Variants in NELL1 observed in about 807,000 individuals in gnomAD.
The protein encoded by NELL1 is protein kinase C-binding protein NELL1.
NELL1 carries 76 observed loss-of-function variants against 107.4 expected under a neutral mutation model. The ratio of observed to expected loss-of-function variants is 0.71; its 90% CI spans 0.59 to 0.86. The LOEUF (loss-of-function observed/expected upper bound fraction) is 0.86, where lower values mean the gene tolerates loss of function less well. NELL1 is among the 40% of genes least tolerant of loss of function. The pLI is 0.00. For missense variants in NELL1, 1,024 were observed against 1,005.5 expected (o/e 1.02, Z -0.25); for synonymous variants, 353 against 341.2 (o/e 1.03, Z -0.38).
chr11:20,692,652 A>T (rs542878179), intron 2 of NELL1, among the ~76,000 whole-genome samples: 10 of 151,672 alleles, frequency 6.6e-5, no homozygotes, highest in Non-Finnish European at 1.2e-4. Flanking sequence ...TCTGAGAGAC[A>T]GTTTGTTATA....
intron 4 of NELL1, 62 bp downstream of exon 4, chr11:20,847,815 A>G (rs1390353127): frequency 1.7e-5 from 25 of 1,480,324 alleles, no homozygotes; most frequent in African/African-American, 7.0e-5. Context: ...GGAAAAGGGG[A>G]AAAAATATCA....
At chr11:21,222,582 T>C (rs1482510306) in intron 13 of NELL1, among the ~76,000 whole-genome samples, 1 of 152,172 alleles carries the variant, frequency 6.6e-6, no homozygotes. Context: ...TTGGGTTTGG[T>C]TGGCTCTTGC....
intron 14 of NELL1, among the ~76,000 whole-genome samples, chr11:21,296,438 A>ATG (rs1849379094): frequency 1.3e-5 from 2 of 151,972 alleles, no homozygotes; most frequent in African/African-American, 4.8e-5. Context: ...ATATATATAT[A>ATG]TCTCTAATCA....
intron 15 of NELL1, among the ~76,000 whole-genome samples, chr11:21,516,740 TACACACACAC>T (rs113449367): frequency 1.4e-3 from 199 of 141,998 alleles, no homozygotes; most frequent in African/African-American, 4.7e-3. Flanking sequence ...CACACACACA[TACACACACAC>T]ACACACACAC....
At chr11:21,219,586 C>T (rs1188504229) in intron 13 of NELL1, among the ~76,000 whole-genome samples, 2 of 152,080 alleles carry the variant, frequency 1.3e-5, no homozygotes, top group Non-Finnish European at 2.9e-5. Flanking sequence ...CCTATGTTTT[C>T]TTCTAGTAGT....
chr11:21,407,143 T>C (rs1225836660), intron 15 of NELL1, among the ~76,000 whole-genome samples: 2 of 152,038 alleles, frequency 1.3e-5, no homozygotes, highest in Non-Finnish European at 2.9e-5. Context: ...TGGCAGGTCA[T>C]GGTGGCTCAT....
chr11:21,425,537 G>A (rs948241170), intron 15 of NELL1, among the ~76,000 whole-genome samples: 2 of 152,270 alleles, frequency 1.3e-5, no homozygotes, highest in South Asian at 4.2e-4. Flanking sequence ...TGTGAACACA[G>A]AAGCAAAGGT....
chr11:21,293,049 A>G (rs1849305208), intron 14 of NELL1, among the ~76,000 whole-genome samples: 1 of 152,134 alleles, frequency 6.6e-6, no homozygotes, highest in African/African-American at 2.4e-5. Flanking sequence ...ACCAAAAACA[A>G]TGGCAACAAA....
At chr11:20,984,623 G>A (rs961386804) in intron 12 of NELL1, among the ~76,000 whole-genome samples, 3 of 151,696 alleles carry the variant, frequency 2.0e-5, no homozygotes, top group Admixed American at 6.6e-5. Context: ...AGCCTTTACG[G>A]CCATCTCCTC....
At chr11:20,983,655 C>G (rs754692443) in intron 12 of NELL1, among the ~76,000 whole-genome samples, 8 of 152,168 alleles carry the variant, frequency 5.3e-5, no homozygotes, top group Non-Finnish European at 1.0e-4. Flanking sequence ...CATCAACTCC[C>G]CTCCACATGT....
intron 4 of NELL1, among the ~76,000 whole-genome samples, chr11:20,855,065 T>C (rs528734731): frequency 6.6e-6 from 1 of 152,356 alleles, no homozygotes; most frequent in South Asian, 2.1e-4. Context: ...CTATGTACCC[T>C]GTGGCGTATT....
At chr11:21,315,890 A>AGTGT (rs10535605) in intron 14 of NELL1, among the ~76,000 whole-genome samples, 2 of 149,574 alleles carry the variant, frequency 1.3e-5, no homozygotes, top group African/African-American at 2.5e-5. Context: ...TGGTGGTGTG[A>AGTGT]GTGTGTGTGT....
At chr11:21,527,803 T>G (rs1264751847) in intron 15 of NELL1, among the ~76,000 whole-genome samples, 4 of 152,152 alleles carry the variant, frequency 2.6e-5, no homozygotes, top group Admixed American at 2.6e-4. Context: ...GCAGGAAGCA[T>G]CCAGCACAGG....
At chr11:21,520,271 C>G (rs920664841) in intron 15 of NELL1, among the ~76,000 whole-genome samples, 1 of 152,160 alleles carries the variant, frequency 6.6e-6, no homozygotes, top group Non-Finnish European at 1.5e-5. Context: ...TCTAAATTCT[C>G]AGTTTAAGAT....
At chr11:20,960,633 A>G (rs992153503) in intron 12 of NELL1, 73 bp downstream of exon 12, 20 of 1,548,000 alleles carry the variant, frequency 1.3e-5, no homozygotes, top group Non-Finnish European at 1.8e-5. Flanking sequence ...ATGTGGTTAA[A>G]GAGTGAAAAC....
At chr11:20,898,209 G>A (rs185467197) in intron 5 of NELL1, among the ~76,000 whole-genome samples, 3 of 152,224 alleles carry the variant, frequency 2.0e-5, no homozygotes, top group Admixed American at 2.0e-4. Flanking sequence ...AGAAAACGTG[G>A]CACATATACA....
At chr11:21,439,392 A>G (rs796872036) in intron 15 of NELL1, among the ~76,000 whole-genome samples, 30 of 152,260 alleles carry the variant, frequency 2.0e-4, no homozygotes, top group African/African-American at 7.2e-4. Flanking sequence ...GGTTCTGGGC[A>G]TTATAAAATA....
At chr11:21,342,420 G>GGC (rs1850589244) in intron 14 of NELL1, among the ~76,000 whole-genome samples, 1 of 147,290 alleles carries the variant, frequency 6.8e-6, no homozygotes, top group Non-Finnish European at 1.5e-5. Flanking sequence ...GTGGGGGGGG[G>GGC]GGTCACTTGA....
intron 2 of NELL1, among the ~76,000 whole-genome samples, chr11:20,712,963 T>C (rs1436766455): frequency 2.0e-5 from 3 of 152,222 alleles, no homozygotes; most frequent in Non-Finnish European, 4.4e-5. Context: ...TAGTTAACAG[T>C]GAAGCTGTCA....
Sources: gnomAD v4.1 joint callset for allele counts (sites outside exome capture counted in the v4.1 genomes callset) on GRCh38, gnomAD v4.1.1 for gene constraint, MANE v1.5 for transcripts, NCBI Gene and HGNC (gene_info 2026-07-23, HGNC 2026-07-21) for gene names.